SLC30A10: variants seen among roughly 807,000 people sequenced by gnomAD.
The protein encoded by SLC30A10 is calcium/manganese antiporter SLC30A10.
Under a neutral mutation model 21.7 loss-of-function variants are expected in SLC30A10, and 8 were observed. That is an observed-to-expected ratio of 0.37 (90% confidence interval 0.22 to 0.67). The LOEUF is 0.67. Ranked by LOEUF, SLC30A10 falls within the 30% of genes least tolerant of loss-of-function variation. The pLI is 0.58. For missense variants in SLC30A10, 521 were observed against 642.5 expected, an observed-to-expected ratio of 0.81 and a Z score of 2.04; for synonymous variants, 272 against 279.4, an observed-to-expected ratio of 0.97 and a Z score of 0.26.
chr1:219,927,747 G>A (rs1659875952), intron 1 of SLC30A10, 54 bp downstream of exon 1: 1 of 1,449,856 alleles, frequency 6.9e-7, no homozygotes, highest in Admixed American at 2.7e-5. Flanking sequence ...AAAGGGACCG[G>A]GTGGGAGGAG....
upstream of SLC30A10, among the ~76,000 whole-genome samples, chr1:219,930,815 A>G (rs1229439729): frequency 6.6e-6 from 1 of 152,234 alleles, no homozygotes; most frequent in East Asian, 1.9e-4. Context: ...ATAATAGTAT[A>G]GGGAAGATTA....
Position 219,928,550 on chromosome 1 carries a change from C to G in SLC30A10, c.-110G>C, listed in dbSNP as rs905096809. The G allele has an allele frequency of 1.2e-5, 13 of 1,059,000 alleles. No homozygotes were observed. In the African/African-American group the frequency reaches 2.0e-4, roughly 17 times the overall value. The allele number at this position is 1,059,000 out of a possible 1,614,324, so 65.6% of individuals were successfully genotyped here. ...GATCCGTGAGGCCCGGTACCCGCCTCCCAGATTGTCTCGCCGGCCCTGCCC... is the reference window on the plus strand; with the variant it reads ...GATCCGTGAGGCCCGGTACCCGCCTGCCAGATTGTCTCGCCGGCCCTGCCC... On this transcript the variant is annotated 5_prime_UTR_variant, in exon 1 of 4. Coordinates refer to ENST00000366926, the MANE Select transcript of SLC30A10 (RefSeq NM_018713.3). This position sits in a 1 kb window ranked among gnomAD's most constrained non-coding sequence, Gnocchi z 6.3.
chr1:219,935,397 A>AG (rs1660032216), intron 1 of SLC30A10, among the ~76,000 whole-genome samples: 1 of 152,238 alleles, frequency 6.6e-6, no homozygotes, highest in Non-Finnish European at 1.5e-5. Context: ...TTTTGTGTGA[A>AG]GGGGAGAGAG....
At chr1:219,942,929 C>T (rs542391592) in intron 1 of SLC30A10, among the ~76,000 whole-genome samples, 5 of 152,102 alleles carry the variant, frequency 3.3e-5, no homozygotes, top group East Asian at 1.9e-4. Context: ...CCTGTAATCC[C>T]GGCTACTTGG....
At chr1:219,928,560 C>T, upstream of SLC30A10, 1 of 917,026 alleles carries the variant, frequency 1.1e-6, no homozygotes, top group Non-Finnish European at 1.5e-6. This position sits in a 1 kb window ranked among gnomAD's most constrained non-coding sequence, Gnocchi z 6.3. Flanking sequence ...CCCAGATTGT[C>T]TCGCCGGCCC....
In SLC30A10 at chr1:219,919,776, CAA is replaced by C. The variant is rs34386881; in HGVS notation, c.719-1284_719-1283del. Among the ~76,000 whole-genome samples the C allele has an allele frequency of 4.4e-3, 499 of 114,472 alleles. 4 individuals carry two copies. Among genetic ancestry groups the C allele is most frequent in the African/African-American group, 0.012 (385 of 31,290 alleles). The allele number at this position is 114,472 out of a possible 152,430, so 75.1% of individuals were successfully genotyped here. ...GGGCAACAAGAGTGAAACTCTGTCT[CAA>C]AAAAAAAAAAAAAAAATGCCCAGAT... On this transcript the variant is annotated intron_variant, in intron 2 of 3. Coordinates refer to ENST00000366926, the MANE Select transcript of SLC30A10 (RefSeq NM_018713.3).
chr1:219,912,935 C>T lies in SLC30A10; in HGVS notation c.*2514G>A, dbSNP rs1266864828. Among the ~76,000 whole-genome samples, 1 of 152,146 alleles carries T rather than the reference C, an allele frequency of 6.6e-6. No individual in the cohort carries two copies. Among genetic ancestry groups the T allele is most frequent in the Non-Finnish European group, 1.5e-5 (1 of 68,040 alleles). On this transcript the variant is annotated 3_prime_UTR_variant, in exon 4 of 4. Coordinates refer to ENST00000366926, the MANE Select transcript of SLC30A10 (RefSeq NM_018713.3). ...AAATAACCTAAGTATACAGGAGCAC[C>T]AAACTGAGTGCCAGTGTTTTTCTAA...
At chr1:219,932,353 G>T (rs1156672488), upstream of SLC30A10, among the ~76,000 whole-genome samples, 1 of 152,180 alleles carries the variant, frequency 6.6e-6, no homozygotes, top group Non-Finnish European at 1.5e-5. Context: ...AACTTGATAT[G>T]CTACAATTCA....
At chr1:219,931,247 T>C (rs1168495968), upstream of SLC30A10, among the ~76,000 whole-genome samples, 1 of 152,146 alleles carries the variant, frequency 6.6e-6, no homozygotes, top group Non-Finnish European at 1.5e-5. Context: ...CAGATAAGAA[T>C]TGTGTCACTG....
upstream of SLC30A10, among the ~76,000 whole-genome samples, chr1:219,931,746 G>T (rs1659972498): frequency 6.6e-6 from 1 of 152,162 alleles, no homozygotes. Context: ...CTCCTAAAGT[G>T]CTGGTATTAT....
chr1:219,944,803 C>A (rs1037307684), intron 1 of SLC30A10, among the ~76,000 whole-genome samples: 1 of 151,812 alleles, frequency 6.6e-6, no homozygotes, highest in East Asian at 1.9e-4. Flanking sequence ...AGCCAGGAAA[C>A]GGAAAATAGA....
intron 1 of SLC30A10, among the ~76,000 whole-genome samples, chr1:219,936,040 G>A (rs1160250408): frequency 1.3e-5 from 2 of 152,194 alleles, no homozygotes; most frequent in Non-Finnish European, 2.9e-5. Flanking sequence ...GAAAAGTAGA[G>A]AGAATCAAGG....
At chr1:219,931,178 T>G (rs527847472), upstream of SLC30A10, among the ~76,000 whole-genome samples, 16 of 152,342 alleles carry the variant, frequency 1.1e-4, no homozygotes, top group African/African-American at 3.8e-4. Flanking sequence ...AAAGAAAACC[T>G]GAAATCAGCA....
chr1:219,939,144 A>G (rs184158085), intron 1 of SLC30A10, among the ~76,000 whole-genome samples: 6 of 152,336 alleles, frequency 3.9e-5, no homozygotes, highest in Admixed American at 3.3e-4. Flanking sequence ...AAATGCCCAC[A>G]TATCTAAATA....
In SLC30A10 at chr1:219,914,705, C is replaced by A. The variant is rs2275707; in HGVS notation, c.*744G>T. On this transcript the variant is annotated 3_prime_UTR_variant, in exon 4 of 4. Coordinates refer to ENST00000366926, the MANE Select transcript of SLC30A10 (RefSeq NM_018713.3). ...GTATATGAGTATTTGTGTCATACTT[C>A]AGGAAACTGAAATATTCCCTCACTT... 129,380 of 152,250 alleles carry A rather than the reference C, an allele frequency of 0.85. 55,385 individuals are homozygous for A. The highest frequency in any genetic ancestry group is 0.96 in the African/African-American group (39,999 of 41,572). The allele number at this position is 152,250 out of a possible 1,614,324, so 9.4% of individuals were successfully genotyped here. A position where few individuals can be genotyped will look rare whatever the true frequency, so the allele number is the denominator to read the frequency against.
At chr1:219,958,118 G>A (rs983057187) in intron 1 of SLC30A10, among the ~76,000 whole-genome samples, 1 of 151,986 alleles carries the variant, frequency 6.6e-6, no homozygotes, top group African/African-American at 2.4e-5. Flanking sequence ...TGTGCTCTTT[G>A]TAAGTTGGTT....
chr1:219,940,309 C>A (rs1349873637), intron 1 of SLC30A10, among the ~76,000 whole-genome samples: 1 of 152,168 alleles, frequency 6.6e-6, no homozygotes, highest in African/African-American at 2.4e-5. Context: ...AGCCCGGATG[C>A]CAGACCTATA....
chr1:219,927,290 A>G lies in SLC30A10; in HGVS notation c.641-185T>C. 3 of 621,088 alleles carry G rather than the reference A, an allele frequency of 4.8e-6. No individual in the cohort carries two copies. In the South Asian group the frequency reaches 5.7e-5, roughly 12 times the overall value. The allele number at this position is 621,088 out of a possible 1,614,324, so 38.5% of individuals were successfully genotyped here. ...AAATAGCCTTGTGATCCACCTTTGGACTTCATTCACACATCCTTTCAAGTT... is the reference window on the plus strand; with the variant it reads ...AAATAGCCTTGTGATCCACCTTTGGGCTTCATTCACACATCCTTTCAAGTT... On this transcript the variant is annotated intron_variant, in intron 1 of 3. Transcript: ENST00000366926.
At chr1:219,936,765 T>A (rs1660050989) in intron 1 of SLC30A10, among the ~76,000 whole-genome samples, 1 of 152,202 alleles carries the variant, frequency 6.6e-6, no homozygotes, top group Admixed American at 6.5e-5. Context: ...TGGTAGAGAA[T>A]CTTTGCTTTC....
Sources: allele counts gnomAD v4.1 joint callset (sites outside exome capture counted in the v4.1 genomes callset), GRCh38; gene constraint gnomAD v4.1.1; non-coding constraint Gnocchi (gnomAD v3.1); transcripts MANE v1.5; gene names NCBI Gene and HGNC (gene_info 2026-07-23, HGNC 2026-07-21).